The following IFITM10 variants were observed in gnomAD, a reference collection of about 807,000 sequenced individuals.
IFITM10 encodes interferon induced transmembrane protein 10.
A neutral mutation model predicts 19.0 loss-of-function variants in IFITM10; 17 were observed. The ratio of observed to expected loss-of-function variants is 0.90; its 90% CI spans 0.61 to 1.34. IFITM10 has a LOEUF of 1.34. IFITM10 is among the 40% of genes most tolerant of loss of function. The pLI is 0.00. For missense variants in IFITM10, 306 were observed against 319.8 expected (o/e 0.96, Z 0.33); for synonymous variants, 148 against 147.2 (o/e 1.01, Z -0.04).
At chr11:1,745,480 A>C (rs1319001694) in intron 2 of IFITM10, 1 of 151,184 alleles carries the variant, frequency 6.6e-6, no homozygotes, top group Non-Finnish European at 1.5e-5. Flanking sequence ...TGTTGCTTCT[A>C]CACACACACA....
intron 2 of IFITM10, among the ~76,000 whole-genome samples, chr11:1,740,299 CAAAAAAAAAAAAAAA>C (rs58480346): frequency 2.4e-5 from 1 of 41,030 alleles, no homozygotes; most frequent in African/African-American, 9.4e-5. Flanking sequence ...GACTCCATCT[CAAAAAAAAAAAAAAA>C]AAAAAAAAAA....
In IFITM10 at chr11:1,747,708, A is replaced by C. The variant is rs1230976778; in HGVS notation, c.496T>G (p.Phe166Val). The C allele has an allele frequency of 6.4e-7, 1 of 1,551,810 alleles. No homozygotes were observed. Among genetic ancestry groups the C allele is most frequent in the South Asian group, 1.2e-5 (1 of 84,064 alleles). The change falls in exon 2 of 3, where the codon TTC (phenylalanine) becomes GTC (valine). Residue 166 changes from phenylalanine to valine, a missense_variant. Transcript: ENST00000340134. ...WSIFNFVYLN[F>V]CCLGFIALAY... ...AAGGCGATGAAGCCCAGGCAGCAGA[A>C]GTTGAGGTAGACGAAGTTGAAGATG... is the stretch of plus-strand genomic sequence containing the variant.
At chr11:1,749,369 C>G (rs543970138) in intron 1 of IFITM10, among the ~76,000 whole-genome samples, 1 of 152,046 alleles carries the variant, frequency 6.6e-6, no homozygotes, top group Admixed American at 6.5e-5. Flanking sequence ...AGCCCCCGAC[C>G]AGGGTGTCCG....
chr11:1,746,278 G>T, intron 2 of IFITM10: 1 of 298,142 alleles, frequency 3.4e-6, no homozygotes, highest in Non-Finnish European at 6.1e-6. Flanking sequence ...TTACACACAT[G>T]CACACATATG....
chr11:1,747,654 C>A lies in IFITM10; in HGVS notation c.537+13G>T, dbSNP rs1032843121. 2.6e-6 allele frequency: 4 copies of A among 1,550,928 alleles called. No individual in the cohort carries two copies. The African/African-American group carries it at 5.5e-5, about 21-fold the overall frequency. Reference sequence around the variant, plus strand: ...CTAGCCCGCCCTTGCCCCCTGCCACCGCCCGGGCTCACTTTGAGGGAGTAG... The same window carrying A: ...CTAGCCCGCCCTTGCCCCCTGCCACAGCCCGGGCTCACTTTGAGGGAGTAG... On this transcript the variant is annotated intron_variant, in intron 2 of 2. Transcript: ENST00000340134.
intron 2 of IFITM10, among the ~76,000 whole-genome samples, chr11:1,741,785 C>A (rs1400999935): frequency 2.0e-5 from 3 of 152,138 alleles, no homozygotes; most frequent in Non-Finnish European, 2.9e-5. Context: ...TCATGTCCCC[C>A]AAATTCCTGT....
intron 1 of IFITM10, chr11:1,748,367 T>C: frequency 2.5e-6 from 1 of 402,352 alleles, no homozygotes; most frequent in Non-Finnish European, 4.4e-6. Flanking sequence ...GCATAAACAC[T>C]CACCCACTGA....
intron 2 of IFITM10, among the ~76,000 whole-genome samples, 199 bp downstream of exon 2, chr11:1,747,468 C>T (rs915790959): frequency 6.6e-6 from 1 of 152,124 alleles, no homozygotes; most frequent in Non-Finnish European, 1.5e-5. Flanking sequence ...CCCGCCCAGA[C>T]CTAGCCAGTA....
chr11:1,748,254 T>C, intron 1 of IFITM10, 135 bp from the exon 2 acceptor site: 1 of 665,830 alleles, frequency 1.5e-6, no homozygotes. Context: ...GCCTGCCACC[T>C]GCCTCCCCCA....
chr11:1,747,546 C>T, intron 2 of IFITM10, 121 bp downstream of exon 2: 1 of 847,788 alleles, frequency 1.2e-6, no homozygotes. Flanking sequence ...CCCTCAACTG[C>T]ACCTGTTCTA....
intron 2 of IFITM10, 105 bp downstream of exon 2, chr11:1,747,562 G>C: frequency 1.0e-6 from 1 of 981,194 alleles, no homozygotes; most frequent in South Asian, 1.6e-5. Context: ...TTCTACCCGT[G>C]TGCTCCCCTG....
At position 1,737,949 on chromosome 11, in the gene IFITM10, C is replaced by T. The variant is rs80109262; in HGVS notation, c.538-2520G>A. On this transcript the variant is annotated intron_variant, in intron 2 of 2. Transcript: ENST00000340134. ...AGGATGAAACACTGGGTGTCAAAAG[C>T]GGATGGAGCGGAGGGCAGGAGGCTG... Among the ~76,000 whole-genome samples the T allele has an allele frequency of 1.8e-3, 268 of 152,082 alleles. 5 individuals carry two copies. In the East Asian group the frequency reaches 0.044, roughly 25 times the overall value.
At chr11:1,735,558 C>G in intron 2 of IFITM10, 129 bp from the exon 3 acceptor site, 1 of 826,158 alleles carries the variant, frequency 1.2e-6, no homozygotes, top group South Asian at 1.9e-5. Context: ...CGAGAGCTGA[C>G]GAATGAACGA....
intron 2 of IFITM10, chr11:1,746,258 A>T (rs1376264070): frequency 3.9e-6 from 1 of 258,418 alleles, no homozygotes; most frequent in East Asian, 6.4e-5. Context: ...CACCATGCCC[A>T]CCCACGTAAT....
rs118029194 is a variant in IFITM10, at chr11:1,734,088, C to T, written c.*1192G>A. On this transcript the variant is annotated 3_prime_UTR_variant, in exon 3 of 3. Transcript: ENST00000340134. ...CACCCACAGCGCGAAGCTCCACACC[C>T]ATGGCCACTGCCTCGGCTTCTTCTC... The T allele has an allele frequency of 0.011, 1,661 of 152,676 alleles. 15 individuals are homozygous for T. Among genetic ancestry groups the T allele is most frequent in the Non-Finnish European group, 0.016 (1,109 of 68,282 alleles). The allele number at this position is 152,676 out of a possible 1,614,324, so 9.5% of individuals were successfully genotyped here.
At chr11:1,735,511 T>C in intron 2 of IFITM10, 82 bp from the exon 3 acceptor site, 1 of 1,281,376 alleles carries the variant, frequency 7.8e-7, no homozygotes, top group Non-Finnish European at 1.1e-6. Flanking sequence ...GCAGAGCCGG[T>C]GCCACAGTGC....
intron 1 of IFITM10, chr11:1,748,393 C>G (rs1489350848): frequency 2.6e-6 from 1 of 388,480 alleles, no homozygotes; most frequent in Non-Finnish European, 4.6e-6. Flanking sequence ...ACAACAGCAC[C>G]CCCCGCCCCG....
At position 1,750,497 on chromosome 11, in the gene IFITM10, C is replaced by T; in HGVS notation, c.-55G>A. 6.5e-7 allele frequency: 1 copy of T among 1,547,712 alleles called. No homozygotes were observed. On this transcript the variant is annotated 5_prime_UTR_variant, in exon 1 of 3. Coordinates refer to ENST00000340134, the MANE Select transcript of IFITM10 (RefSeq NM_001170820.4). ...CTCCTTTCTCCTCTGCCACTCTCAA[C>T]TGGCCTCCTGTGTCTCCGCAACCCT...
intron 2 of IFITM10, chr11:1,746,120 AC>A (rs1174868157): frequency 6.7e-6 from 1 of 148,328 alleles, no homozygotes; most frequent in Non-Finnish European, 1.4e-5. Flanking sequence ...ACATGCACAT[AC>A]CCTCACACAT....
Sources: allele counts gnomAD v4.1 joint callset (sites outside exome capture counted in the v4.1 genomes callset), GRCh38; gene constraint gnomAD v4.1.1; transcripts MANE v1.5; gene names NCBI Gene and HGNC (gene_info 2026-07-23, HGNC 2026-07-21).